ZNF536: variants seen among roughly 807,000 people sequenced by gnomAD.
The protein encoded by ZNF536 is zinc finger protein 536.
Under a neutral mutation model 84.5 loss-of-function variants are expected in ZNF536, and 13 were observed. The observed-to-expected ratio is 0.15, with a 90% confidence interval of 0.10 to 0.24. The LOEUF is 0.24. Among genes scored for constraint, ZNF536 ranks in the 10% least tolerant of loss-of-function variants. ZNF536 has a pLI of 1.00. For synonymous variants in ZNF536, 811 were observed against 742.5 expected (o/e 1.09, Z -1.50); for missense variants, 1,536 against 1,747.5 (o/e 0.88, Z 2.16).
chr19:30,360,117 C>T (rs1015531098), intron 3 of ZNF536, among the ~76,000 whole-genome samples: 13 of 152,320 alleles, frequency 8.5e-5, no homozygotes, highest in South Asian at 2.1e-4. Context: ...GGGAGGAGAT[C>T]GGGGCAGGCC....
At chr19:30,686,564 G>C (rs555527375) in intron 1 of ZNF536, among the ~76,000 whole-genome samples, 1 of 152,216 alleles carries the variant, frequency 6.6e-6, no homozygotes, top group Non-Finnish European at 1.5e-5. Context: ...AGTGGCTGCC[G>C]TGCTCAGCCA....
intron 1 of ZNF536, among the ~76,000 whole-genome samples, chr19:30,384,857 T>G (rs1364623020): frequency 6.6e-6 from 1 of 151,938 alleles, no homozygotes; most frequent in Non-Finnish European, 1.5e-5. Flanking sequence ...CAAGACACTA[T>G]CTCCACAAAA....
intron 1 of ZNF536, among the ~76,000 whole-genome samples, chr19:30,658,943 T>A (rs1686066169): frequency 6.6e-6 from 1 of 152,258 alleles, no homozygotes; most frequent in Non-Finnish European, 1.5e-5. Context: ...CATTCATTTT[T>A]ACTCCTGTTT....
intron 2 of ZNF536, among the ~76,000 whole-genome samples, chr19:30,512,254 A>G (rs1304354406): frequency 3.9e-5 from 6 of 152,162 alleles, no homozygotes; most frequent in Non-Finnish European, 8.8e-5. Context: ...TTATTAGGGG[A>G]CTGCGGAACA....
At chr19:30,247,665 A>G (rs1368776381) in intron 1 of ZNF536, among the ~76,000 whole-genome samples, 1 of 152,152 alleles carries the variant, frequency 6.6e-6, no homozygotes, top group Non-Finnish European at 1.5e-5. Context: ...CCGTCTCTAC[A>G]GAAAATTAAA....
chr19:30,582,577 G>C (rs1373735724), intron 1 of ZNF536, among the ~76,000 whole-genome samples: 1 of 151,596 alleles, frequency 6.6e-6, no homozygotes, highest in Non-Finnish European at 1.5e-5. Context: ...TTTTTATAGA[G>C]ACGATGTATT....
intron 1 of ZNF536, among the ~76,000 whole-genome samples, chr19:30,253,549 G>T (rs1030932626): frequency 2.0e-5 from 3 of 152,202 alleles, no homozygotes; most frequent in African/African-American, 4.8e-5. Flanking sequence ...CTTGTGAATT[G>T]TGTTTCTGCC....
chr19:30,661,993 A>G (rs563796014), intron 1 of ZNF536, among the ~76,000 whole-genome samples: 2 of 152,252 alleles, frequency 1.3e-5, no homozygotes, highest in South Asian at 4.1e-4. Context: ...TATGTGTTTG[A>G]ATAACCATCC....
rs112418182 is a variant in ZNF536, at chr19:30,660,946, G to A, written c.170-49811G>A. Among the ~76,000 whole-genome samples the A allele has an allele frequency of 8.4e-3, 1,272 of 152,244 alleles. 18 individuals carry two copies. The highest frequency in any genetic ancestry group is 0.027 in the African/African-American group (1,140 of 41,550). On this transcript the variant is annotated intron_variant, in intron 1 of 1. Coordinates refer to the ZNF536 transcript ENST00000592773. ...GCAGCCTTCTGCATTTACACATGGC[G>A]CCTGTTTCGTTTTGTGCAAACATTG...
intron 2 of ZNF536, among the ~76,000 whole-genome samples, chr19:30,339,043 G>A (rs554818964): frequency 1.3e-5 from 2 of 152,224 alleles, no homozygotes; most frequent in East Asian, 1.9e-4. Context: ...GTAAAGTTCC[G>A]TAGCTAAGTA....
chr19:30,530,334 GTT>G (rs1491501446), intron 2 of ZNF536, among the ~76,000 whole-genome samples: 143 of 112,374 alleles, frequency 1.3e-3, no homozygotes, highest in African/African-American at 5.0e-3. Context: ...CTGTCTTTTT[GTT>G]GTTGTTGTTG....
intron 2 of ZNF536, among the ~76,000 whole-genome samples, chr19:30,326,800 T>TTTTTTG (rs1568333903): frequency 5.7e-5 from 7 of 123,456 alleles, no homozygotes; most frequent in African/African-American, 2.1e-4. Context: ...GCTTTTTTTT[T>TTTTTTG]TTTTTTTTTT....
At chr19:30,337,525 TG>T in intron 2 of ZNF536, among the ~76,000 whole-genome samples, 1 of 152,166 alleles carries the variant, frequency 6.6e-6, no homozygotes, top group Non-Finnish European at 1.5e-5. Flanking sequence ...TGTACTTTCC[TG>T]GGCACCACAA....
Position 30,468,563 on chromosome 19 carries a change from C to T in ZNF536, c.2170+22831C>T, listed in dbSNP as rs1599475049. Among the ~76,000 whole-genome samples the T allele has an allele frequency of 2.0e-5, 3 of 151,976 alleles. No individual in the cohort carries two copies. The South Asian group carries it at 6.2e-4, about 32-fold the overall frequency. Reference sequence around the variant, plus strand: ...AGCTGGGAACACAAACCTCAAGGCCCGACTTGTCCAGATGTCACTTGGTGG... The same window carrying T: ...AGCTGGGAACACAAACCTCAAGGCCTGACTTGTCCAGATGTCACTTGGTGG... On this transcript the variant is annotated intron_variant, in intron 2 of 4. Coordinates refer to ENST00000355537, the MANE Select transcript of ZNF536 (RefSeq NM_014717.3).
intron 2 of ZNF536, among the ~76,000 whole-genome samples, chr19:30,518,227 C>G (rs2067328235): frequency 6.6e-6 from 1 of 152,212 alleles, no homozygotes; most frequent in South Asian, 2.1e-4. Context: ...AGCAACCTGG[C>G]AGCCCTGGGC....
At chr19:30,237,854 C>T (rs1341887350) in intron 1 of ZNF536, among the ~76,000 whole-genome samples, 1 of 151,538 alleles carries the variant, frequency 6.6e-6, no homozygotes, top group East Asian at 1.9e-4. Context: ...CTGGAAACAT[C>T]AAGTTTGTAA....
intron 1 of ZNF536, among the ~76,000 whole-genome samples, chr19:30,567,189 G>T (rs2046383658): frequency 6.6e-6 from 1 of 152,230 alleles, no homozygotes; most frequent in Non-Finnish European, 1.5e-5. Context: ...GCCAGTTCCT[G>T]CCAGCCCGCC....
Position 30,578,734 on chromosome 19 carries a change from C to A in ZNF536, c.169+29220C>A, listed in dbSNP as rs2046822158. On this transcript the variant is annotated intron_variant, in intron 1 of 1. Coordinates refer to the ZNF536 transcript ENST00000592773. The stretch of plus-strand genomic sequence containing the variant: ...TGTTCACTTTGCAGAGCAGGAAGGA[C>A]AACTTGAGGCCCGACACTGCTCACC... 2.0e-5 allele frequency among the ~76,000 whole-genome samples: 3 copies of A among 152,358 alleles called. No homozygotes were observed. In the South Asian group the frequency reaches 6.2e-4, roughly 32 times the overall value.
chr19:30,250,932 C>T (rs1599886716), intron 1 of ZNF536, among the ~76,000 whole-genome samples: 1 of 150,988 alleles, frequency 6.6e-6, no homozygotes, highest in East Asian at 1.9e-4. Context: ...GGTATTATTG[C>T]TTCCTCATTT....
Sources: gnomAD v4.1 joint callset for allele counts (sites outside exome capture counted in the v4.1 genomes callset) on GRCh38, gnomAD v4.1.1 for gene constraint, MANE v1.5 for transcripts, NCBI Gene and HGNC (gene_info 2026-07-23, HGNC 2026-07-21) for gene names.